GBF1: variants seen among roughly 807,000 people sequenced by gnomAD.
GBF1 encodes the protein golgi brefeldin A resistant guanine nucleotide exchange factor 1, also known as Golgi-specific brefeldin A-resistance guanine nucleotide exchange factor 1.
Under a neutral mutation model 210.5 loss-of-function variants are expected in GBF1, and 114 were observed. The observed-to-expected ratio is 0.54, with a 90% CI of 0.47 to 0.63. The LOEUF is 0.63. Ranked by LOEUF, GBF1 falls within the 30% of genes least tolerant of loss-of-function variation. GBF1 has a pLI of 0.00. For synonymous variants in GBF1, 850 were observed against 889.2 expected (o/e 0.96, Z 0.78); for missense variants, 1,851 against 2,357.7 (o/e 0.79, Z 4.45).
intron 8 of GBF1, among the ~76,000 whole-genome samples, chr10:102,353,966 C>T (rs1162529347): frequency 2.0e-5 from 3 of 152,172 alleles, no homozygotes; most frequent in African/African-American, 7.2e-5. Flanking sequence ...CTGCCATCCC[C>T]TCAAGACTTA....
the GBF1 span, among the ~76,000 whole-genome samples, chr10:102,232,420 C>A: frequency 6.6e-6 from 1 of 152,208 alleles, no homozygotes; most frequent in Admixed American, 6.5e-5. Flanking sequence ...CAGTGGCTCA[C>A]GCCTGTAATC....
intron 4 of GBF1, among the ~76,000 whole-genome samples, chr10:102,345,941 T>A (rs2058535721): frequency 2.6e-5 from 4 of 152,086 alleles, no homozygotes; most frequent in Non-Finnish European, 4.4e-5. Flanking sequence ...TTGTATGATT[T>A]TTTTTACTAG....
intron 3 of GBF1, among the ~76,000 whole-genome samples, chr10:102,300,202 CT>C (rs578213183): frequency 2.0e-4 from 31 of 152,308 alleles, no homozygotes; most frequent in African/African-American, 7.2e-4. Flanking sequence ...AGCCACAGCT[CT>C]TTTCACTGGC....
chr10:102,302,434 C>T (rs1250506957), intron 3 of GBF1, among the ~76,000 whole-genome samples: 1 of 151,676 alleles, frequency 6.6e-6, no homozygotes, highest in Non-Finnish European at 1.5e-5. Context: ...AACAACAAAA[C>T]AAAAATGCCA....
chr10:102,249,486 T>C (rs1432391448), intron 1 of GBF1, among the ~76,000 whole-genome samples: 11 of 152,150 alleles, frequency 7.2e-5, no homozygotes. Flanking sequence ...TCTGGGAGGA[T>C]TTTCCAGTGA....
At chr10:102,332,530 C>T (rs1484447907) in intron 3 of GBF1, among the ~76,000 whole-genome samples, 5 of 151,942 alleles carry the variant, frequency 3.3e-5, no homozygotes, top group South Asian at 2.1e-4. Flanking sequence ...ATTACAGGTG[C>T]GCACCACCAT....
intron 3 of GBF1, among the ~76,000 whole-genome samples, chr10:102,317,938 T>C (rs1439217088): frequency 6.6e-6 from 1 of 152,126 alleles, no homozygotes; most frequent in African/African-American, 2.4e-5. Flanking sequence ...AGACGGAGTC[T>C]CGCCCTGTCA....
chr10:102,242,664 C>A (rs2070567226), upstream of GBF1, among the ~76,000 whole-genome samples: 1 of 152,000 alleles, frequency 6.6e-6, no homozygotes, highest in African/African-American at 2.4e-5. Context: ...CACTGTGGCT[C>A]ATGCCTGTAA....
Position 102,258,997 on chromosome 10 carries a change from T to G in GBF1, c.59T>G (p.Ile20Ser), listed in dbSNP as rs1392139898. 2.5e-6 allele frequency: 4 copies of G among 1,604,836 alleles called. No homozygotes were observed. Among genetic ancestry groups the G allele is most frequent in the Non-Finnish European group, 3.4e-6 (4 of 1,171,712 alleles). Residue 20 changes from isoleucine (I) to serine (S), a missense_variant, in exon 2 of 40, where the codon ATC (isoleucine) becomes AGC (serine). Ile to Ser is a moderately radical substitution (Grantham distance 142). This residue lies in a region of GBF1 where 804 missense variants were observed against 958.6 expected (regional missense o/e 0.84). Coordinates refer to ENST00000369983, the MANE Select transcript of GBF1 (RefSeq NM_001377137.1). ...GAGATTAACATTGTGGTTGGGGCCA[T>G]CAAACGAAATGCCCGATGGAGCACC... Reference protein sequence around the residue: ...QGEINIVVGAIKRNARWSTHT... With the variant: ...QGEINIVVGASKRNARWSTHT...
chr10:102,231,476 G>A, the GBF1 span: 1 of 710,676 alleles, frequency 1.4e-6, no homozygotes, highest in East Asian at 2.7e-5. Context: ...GCCAGGGTCC[G>A]GGGTCCGGGG....
intron 1 of GBF1, among the ~76,000 whole-genome samples, chr10:102,258,627 A>C (rs562990729): frequency 5.3e-5 from 8 of 151,364 alleles, no homozygotes; most frequent in Admixed American, 2.6e-4. Flanking sequence ...ATACAAAATT[A>C]GCCAGATATG....
chr10:102,238,343 G>A, the GBF1 span, among the ~76,000 whole-genome samples: 216 of 152,290 alleles, frequency 1.4e-3, 4 homozygotes, highest in East Asian at 0.038. Context: ...AGCCTGCTGC[G>A]TTTGCCCTCC....
chr10:102,313,354 C>T (rs2078649465), intron 3 of GBF1, among the ~76,000 whole-genome samples: 1 of 152,020 alleles, frequency 6.6e-6, no homozygotes, highest in South Asian at 2.1e-4. Context: ...TGAAAGAAAA[C>T]AAAACCAGCC....
intron 3 of GBF1, among the ~76,000 whole-genome samples, chr10:102,324,589 TC>T (rs1221112864): frequency 6.6e-6 from 1 of 152,034 alleles, no homozygotes; most frequent in Non-Finnish European, 1.5e-5. Flanking sequence ...AGTTACTTGA[TC>T]TTTTTTTTTT....
intron 6 of GBF1, among the ~76,000 whole-genome samples, 192 bp downstream of exon 6, chr10:102,352,143 T>C (rs899769492): frequency 6.6e-6 from 1 of 152,248 alleles, no homozygotes; most frequent in Non-Finnish European, 1.5e-5. Context: ...CAGCCCATTA[T>C]GCCAGGGCAG....
chr10:102,372,042 C>G (rs998207252), intron 29 of GBF1, among the ~76,000 whole-genome samples: 1 of 151,702 alleles, frequency 6.6e-6, no homozygotes, highest in African/African-American at 2.4e-5. Context: ...GTGGTGAAAC[C>G]CCGTCTCTAC....
chr10:102,323,375 G>A (rs1237865642), intron 3 of GBF1, among the ~76,000 whole-genome samples: 5 of 152,004 alleles, frequency 3.3e-5, no homozygotes, highest in African/African-American at 1.2e-4. Flanking sequence ...AAGGGGAGCA[G>A]ACACAAGCTG....
intron 3 of GBF1, among the ~76,000 whole-genome samples, chr10:102,269,157 C>T (rs1565036807): frequency 6.6e-6 from 1 of 152,174 alleles, no homozygotes; most frequent in Non-Finnish European, 1.5e-5. Context: ...ACCACTGTTA[C>T]CACTGTAGGT....
At chr10:102,254,482 A>G (rs1182893944) in intron 1 of GBF1, among the ~76,000 whole-genome samples, 2 of 152,238 alleles carry the variant, frequency 1.3e-5, no homozygotes, top group African/African-American at 4.8e-5. Context: ...TTAAATAAGA[A>G]TACAATTTAT....
Sources: allele counts gnomAD v4.1 joint callset (sites outside exome capture counted in the v4.1 genomes callset), GRCh38; gene constraint gnomAD v4.1.1; regional missense constraint gnomAD v4.1.1; transcripts MANE v1.5; gene names NCBI Gene and HGNC (gene_info 2026-07-23, HGNC 2026-07-21).